The following PTPN2 variants were observed in gnomAD, a reference collection of about 807,000 sequenced individuals.
PTPN2 encodes protein tyrosine phosphatase non-receptor type 2.
Under a neutral mutation model 57.3 loss-of-function variants are expected in PTPN2, and 19 were observed. That is an observed-to-expected ratio of 0.33 (90% CI 0.23 to 0.49). The LOEUF (loss-of-function observed/expected upper bound fraction) is 0.49, where lower values mean the gene tolerates loss of function less well. PTPN2 is among the 20% of genes least tolerant of loss of function. PTPN2 has a pLI of 0.99. For synonymous variants in PTPN2, 153 were observed against 164.9 expected, an observed-to-expected ratio of 0.93 and a Z score of 0.55; for missense variants, 358 against 501.1, an observed-to-expected ratio of 0.71 and a Z score of 2.73.
intron 2 of PTPN2, among the ~76,000 whole-genome samples, chr18:12,857,310 G>A (rs953576028): frequency 2.0e-5 from 3 of 152,058 alleles, no homozygotes; most frequent in Non-Finnish European, 4.4e-5. Context: ...GAATCTACAC[G>A]TGATAAAACT....
At position 12,874,528 on chromosome 18, in the gene PTPN2, G is replaced by T. The variant is rs1176662475; in HGVS notation, c.69+9545C>A. On this transcript the variant is annotated intron_variant, in intron 1 of 8. Coordinates refer to ENST00000309660, the MANE Select transcript of PTPN2 (RefSeq NM_002828.4). The stretch of plus-strand genomic sequence containing the variant: ...CCCGGCCAGCCGCCCCGTCCGGGAG[G>T]AAGGTGGGGGGGGGTCAGCTCCCCG... Among the ~76,000 whole-genome samples the T allele has an allele frequency of 2.3e-5, 2 of 86,086 alleles. 1 individual carries two copies. The highest frequency in any genetic ancestry group is 4.8e-5 in the Non-Finnish European group (2 of 41,790). 56.5% of individuals were successfully genotyped at this position (86,086 alleles called of 152,430 possible).
intron 1 of PTPN2, among the ~76,000 whole-genome samples, chr18:12,877,209 G>C (rs1470160313): frequency 6.6e-6 from 1 of 152,064 alleles, no homozygotes; most frequent in Non-Finnish European, 1.5e-5. Flanking sequence ...AGGTCCCGTA[G>C]GTAGGTGGTG....
At chr18:12,807,605 A>ATATATATATATAT (rs1555660843) in intron 7 of PTPN2, among the ~76,000 whole-genome samples, 3 of 110,506 alleles carry the variant, frequency 2.7e-5, no homozygotes, top group Admixed American at 1.1e-4. Context: ...ATATATATAT[A>ATATATATATATAT]ATATAATACT....
At chr18:12,858,604 A>G (rs2043679580) in intron 2 of PTPN2, among the ~76,000 whole-genome samples, 1 of 152,234 alleles carries the variant, frequency 6.6e-6, no homozygotes, top group Non-Finnish European at 1.5e-5. Flanking sequence ...AGAGCTACAA[A>G]TGAGTATGTG....
Position 12,792,963 on chromosome 18 carries a change from A to C in PTPN2, c.*1315T>G. ...ATGCAGAAATCTTATGTGGCATATA[A>C]AGAGACAAGGCAGAGATGCTGTGGT... On this transcript the variant is annotated 3_prime_UTR_variant, in exon 9 of 9. Coordinates refer to ENST00000309660, the MANE Select transcript of PTPN2 (RefSeq NM_002828.4). 2.0e-6 allele frequency: 2 copies of C among 984,470 alleles called. No individual in the cohort carries two copies. Among genetic ancestry groups the C allele is most frequent in the Non-Finnish European group, 2.4e-6 (2 of 829,072 alleles). 61.0% of individuals were successfully genotyped at this position (984,470 alleles called of 1,614,324 possible). A position where few individuals can be genotyped will look rare whatever the true frequency, so the allele number is the denominator to read the frequency against.
chr18:12,805,174 C>T (rs114746897), intron 7 of PTPN2, among the ~76,000 whole-genome samples: 95 of 152,040 alleles, frequency 6.2e-4, no homozygotes, highest in African/African-American at 2.0e-3. Context: ...TTCAACATAG[C>T]GGCTGGGCGT....
At chr18:12,837,944 T>A (rs572954087) in intron 2 of PTPN2, among the ~76,000 whole-genome samples, 26 of 152,274 alleles carry the variant, frequency 1.7e-4, no homozygotes, top group African/African-American at 6.0e-4. Flanking sequence ...TTATAGTAAA[T>A]CACATATACT....
At chr18:12,816,542 C>A (rs1171269307) in intron 6 of PTPN2, among the ~76,000 whole-genome samples, 1 of 151,858 alleles carries the variant, frequency 6.6e-6, no homozygotes, top group Non-Finnish European at 1.5e-5. Flanking sequence ...TTCATGTATC[C>A]CAAGTAACGA....
At position 12,884,062 on chromosome 18, in the gene PTPN2, C is replaced by T. The variant is rs1365689294; in HGVS notation, c.69+11G>A. 1.3e-6 allele frequency: 2 copies of T among 1,567,888 alleles called. No homozygotes were observed. Among genetic ancestry groups the T allele is most frequent in the South Asian group, 1.2e-5 (1 of 85,472 alleles). On this transcript the variant is annotated intron_variant, in intron 1 of 8. Transcript: ENST00000309660. ...GGAGGTCGGCGACTGCCGCGTGGGT[C>T]CGCGACTCACCAAGTACAGCGGCTG...
intron 7 of PTPN2, among the ~76,000 whole-genome samples, chr18:12,802,622 G>C (rs989013894): frequency 6.6e-6 from 1 of 152,142 alleles, no homozygotes; most frequent in East Asian, 1.9e-4. Flanking sequence ...CAAGAGAAAA[G>C]GATCAAGTCA....
chr18:12,849,617 C>A (rs2043326196), intron 2 of PTPN2, among the ~76,000 whole-genome samples: 1 of 152,202 alleles, frequency 6.6e-6, no homozygotes, highest in South Asian at 2.1e-4. Context: ...CCCTTACATT[C>A]CTGAAATAAA....
intron 3 of PTPN2, among the ~76,000 whole-genome samples, chr18:12,835,353 A>G (rs974397679): frequency 6.7e-6 from 1 of 150,072 alleles, no homozygotes; most frequent in African/African-American, 2.5e-5. Context: ...GCGTTAAAAT[A>G]AGACTGCAAT....
At chr18:12,840,669 A>G in intron 2 of PTPN2, 1 of 1,586,456 alleles carries the variant, frequency 6.3e-7, no homozygotes, top group African/African-American at 1.3e-5. Flanking sequence ...GTAACACACT[A>G]GAGCACAAAA....
At chr18:12,794,596 T>C (rs928567976) in intron 8 of PTPN2, 111 bp from the exon 9 acceptor site, 73 of 1,275,438 alleles carry the variant, frequency 5.7e-5, no homozygotes, top group Admixed American at 1.0e-4. Context: ...TTTCACCCTA[T>C]TTGAACACTG....
intron 1 of PTPN2, among the ~76,000 whole-genome samples, chr18:12,866,616 G>A (rs977425672): frequency 5.3e-5 from 8 of 152,096 alleles, no homozygotes; most frequent in Non-Finnish European, 1.2e-4. Flanking sequence ...GTCTCTCCTT[G>A]GGGTGTTGAA....
chr18:12,870,357 A>ACG (rs1412047250), intron 1 of PTPN2, among the ~76,000 whole-genome samples: 1 of 44,412 alleles, frequency 2.3e-5, no homozygotes, highest in African/African-American at 1.5e-4. Flanking sequence ...ATATGTGTAT[A>ACG]TATATGTGTA....
intron 7 of PTPN2, among the ~76,000 whole-genome samples, chr18:12,804,485 G>C (rs936993092): frequency 1.3e-5 from 2 of 148,272 alleles, no homozygotes; most frequent in Non-Finnish European, 3.0e-5. Context: ...TTTTGAAAAG[G>C]CAAACAAAAT....
At chr18:12,871,810 C>A (rs1048135232) in intron 1 of PTPN2, among the ~76,000 whole-genome samples, 16 of 152,134 alleles carry the variant, frequency 1.1e-4, no homozygotes, top group South Asian at 1.0e-3. Flanking sequence ...TCCCAGCTCT[C>A]TGAGAGGTGG....
At chr18:12,819,216 TTA>T (rs1491287451) in intron 5 of PTPN2, 1 of 1,408,988 alleles carries the variant, frequency 7.1e-7, no homozygotes, top group Non-Finnish European at 9.5e-7. Context: ...GTACATACTT[TTA>T]GTGACCTTTT....
Sources: gnomAD v4.1 joint callset for allele counts (sites outside exome capture counted in the v4.1 genomes callset) on GRCh38, gnomAD v4.1.1 for gene constraint, MANE v1.5 for transcripts, NCBI Gene and HGNC (gene_info 2026-07-23, HGNC 2026-07-21) for gene names.